DNAI1: variants seen among roughly 807,000 people sequenced by gnomAD.
The protein encoded by DNAI1 is dynein axonemal intermediate chain 1.
In DNAI1, 67 loss-of-function variants were observed where a neutral mutation model predicts 92.0. The observed-to-expected ratio is 0.73, with a 90% CI of 0.60 to 0.89. The LOEUF is 0.89. Ranked by LOEUF, DNAI1 falls within the 40% of genes least tolerant of loss-of-function variation. The probability of loss-of-function intolerance (pLI) is 0.00; values close to 1 mark genes in which losing one functional copy is unlikely to be tolerated. For synonymous variants in DNAI1, 323 were observed against 319.6 expected (o/e 1.01, Z -0.11); for missense variants, 839 against 866.6 (o/e 0.97, Z 0.40).
chr9:34,468,337 C>T (rs933680125), intron 1 of DNAI1, among the ~76,000 whole-genome samples: 6 of 149,832 alleles, frequency 4.0e-5, no homozygotes, highest in Admixed American at 1.4e-4. Flanking sequence ...CCCGCCACCA[C>T]GCCTGGCTAA....
At chr9:34,491,916 A>AAGAGTG (rs1260597403) in intron 8 of DNAI1, among the ~76,000 whole-genome samples, 2 of 151,920 alleles carry the variant, frequency 1.3e-5, no homozygotes, top group Non-Finnish European at 2.9e-5. Flanking sequence ...AAGTGTTAGC[A>AAGAGTG]CTCTGACCCT....
chr9:34,463,267 A>G (rs1823981972), intron 1 of DNAI1, among the ~76,000 whole-genome samples: 1 of 152,186 alleles, frequency 6.6e-6, no homozygotes, highest in Non-Finnish European at 1.5e-5. Context: ...TCAGCAAGGA[A>G]GGGAGTGGGG....
intron 9 of DNAI1, 142 bp from the exon 10 acceptor site, chr9:34,496,973 C>G (rs966584542): frequency 2.7e-6 from 2 of 739,332 alleles, no homozygotes; most frequent in Admixed American, 3.7e-5. Flanking sequence ...TTGAGACATG[C>G]AGAGAAACCT....
intron 1 of DNAI1, among the ~76,000 whole-genome samples, chr9:34,473,293 T>C (rs1249547381): frequency 1.3e-5 from 2 of 149,966 alleles, no homozygotes; most frequent in Admixed American, 1.3e-4. Context: ...TTATTATTAT[T>C]ATTATTATTA....
chr9:34,486,690 A>G (rs75056353), intron 4 of DNAI1, among the ~76,000 whole-genome samples: 7,559 of 152,258 alleles, frequency 0.05, 273 homozygotes, highest in Non-Finnish European at 0.065. Context: ...CTTTTAGTAC[A>G]TTTATGGGTT....
Position 34,490,481 on chromosome 9 carries a change from C to T in DNAI1, c.614C>T (p.Pro205Leu). 6.2e-7 allele frequency: 1 copy of T among 1,614,152 alleles called. No homozygotes were observed. The highest frequency in any genetic ancestry group is 8.5e-7 in the Non-Finnish European group (1 of 1,180,044). ...SERASQTYNN[P>L]VRDRECQTEP... The stretch of plus-strand genomic sequence containing the variant: ...AGGGCCTCACAGACCTACAACAACC[C>T]TGTCCGGGTAGAGCAGCCCCCACCC... The change falls in exon 7 of 20, where the codon CCT becomes CTT. Residue 205 changes from proline to leucine, a missense_variant. By Grantham distance (98) the Pro-to-Leu change is moderately conservative. Transcript: ENST00000242317.
chr9:34,466,671 A>G (rs2132040847), intron 1 of DNAI1, among the ~76,000 whole-genome samples: 1 of 152,382 alleles, frequency 6.6e-6, no homozygotes, highest in Non-Finnish European at 1.5e-5. Context: ...TATTATAAGT[A>G]CATAGATAAC....
intron 19 of DNAI1, 51 bp from the exon 20 acceptor site, chr9:34,520,607 G>A: frequency 6.6e-7 from 1 of 1,511,544 alleles, no homozygotes; most frequent in Non-Finnish European, 9.0e-7. Flanking sequence ...CTGGGACCCA[G>A]AGAGGGGGGG....
At chr9:34,503,585 T>C (rs2132074405) in intron 12 of DNAI1, among the ~76,000 whole-genome samples, 1 of 152,332 alleles carries the variant, frequency 6.6e-6, no homozygotes, top group South Asian at 2.1e-4. Context: ...AATAAAACTT[T>C]GGCAGGGGTA....
rs77942002 is a variant in DNAI1, at chr9:34,471,954, T to C, written c.49-11494T>C. On this transcript the variant is annotated intron_variant, in intron 1 of 19. Transcript: ENST00000242317. ...ATGTCTAGTAAACTGAAAGATGCTA[T>C]ATAAATGGAAGTATTTTTATTGTCA... Among the ~76,000 whole-genome samples, 886 of 152,290 alleles carry C rather than the reference T, an allele frequency of 5.8e-3. 11 individuals carry two copies. The highest frequency in any genetic ancestry group is 7.4e-3 in the Non-Finnish European group (505 of 68,034).
chr9:34,512,503 C>T, intron 15 of DNAI1, 79 bp downstream of exon 15: 1 of 1,381,816 alleles, frequency 7.2e-7, no homozygotes, highest in Non-Finnish European at 1.0e-6. Context: ...GTGGTCCTTC[C>T]CCTGACTGAG....
At chr9:34,519,498 A>G (rs1157201199) in intron 19 of DNAI1, among the ~76,000 whole-genome samples, 1 of 152,094 alleles carries the variant, frequency 6.6e-6, no homozygotes, top group Admixed American at 6.5e-5. Flanking sequence ...GAGAGAGGGA[A>G]GAGAGAGAAA....
intron 19 of DNAI1, among the ~76,000 whole-genome samples, chr9:34,517,991 A>G (rs1316678129): frequency 3.3e-5 from 5 of 152,194 alleles, no homozygotes; most frequent in Admixed American, 1.3e-4. Context: ...AGGGTCTCCA[A>G]TGATCAGGAG....
At chr9:34,480,945 AAAAT>A (rs751858175) in intron 1 of DNAI1, among the ~76,000 whole-genome samples, 3 of 151,242 alleles carry the variant, frequency 2.0e-5, no homozygotes, top group Non-Finnish European at 4.4e-5. Flanking sequence ...GACTATCTCA[AAAAT>A]AAATAAATAG....
chr9:34,467,135 A>G (rs575565064), intron 1 of DNAI1, among the ~76,000 whole-genome samples: 1 of 152,208 alleles, frequency 6.6e-6, no homozygotes, highest in Non-Finnish European at 1.5e-5. Flanking sequence ...TGTTTCTGGT[A>G]AATCTCTTTC....
intron 18 of DNAI1, among the ~76,000 whole-genome samples, chr9:34,516,443 T>C (rs1384068704): frequency 3.9e-5 from 6 of 151,992 alleles, no homozygotes; most frequent in Non-Finnish European, 7.4e-5. Context: ...GAGTTGGTAG[T>C]GGTTTGGTCT....
intron 9 of DNAI1, among the ~76,000 whole-genome samples, chr9:34,495,558 G>A (rs1824705015): frequency 6.6e-6 from 1 of 152,178 alleles, no homozygotes; most frequent in Admixed American, 6.5e-5. Context: ...ATCAATAAAT[G>A]GTAGCTATTG....
chr9:34,512,343 C>G lies in DNAI1; in HGVS notation c.1408C>G (p.Leu470Val). Residue 470 changes from leucine to valine, a missense_variant, in exon 15 of 20, where the codon CTG becomes GTG. By Grantham distance (32) the Leu-to-Val change is conservative. Transcript: ENST00000242317. ...CCTCTGTCTGTGGCTACAGAGAAAGCTGGTTCACATAGATGTCATCAAGCT... is the reference window on the plus strand; with the variant it reads ...CCTCTGTCTGTGGCTACAGAGAAAGGTGGTTCACATAGATGTCATCAAGCT... ...IVSWTLVKRK[L>V]VHIDVIKLKV... 1 of 1,614,128 alleles carries G rather than the reference C, an allele frequency of 6.2e-7. No homozygotes were observed. The highest frequency in any genetic ancestry group is 8.5e-7 in the Non-Finnish European group (1 of 1,180,030).
rs1587070912 is a variant in DNAI1 at position 34,490,100 on chromosome 9, T to G, written c.477T>G (p.Ser159Arg). The G allele has an allele frequency of 3.1e-6, 5 of 1,613,134 alleles. No homozygotes were observed. The highest frequency in any genetic ancestry group is 4.2e-6 in the Non-Finnish European group (5 of 1,179,832). Residue 159 changes from serine to arginine, a missense_variant, in exon 6 of 20, where the codon AGT (serine) becomes AGG (arginine). Coordinates refer to ENST00000242317, the MANE Select transcript of DNAI1 (RefSeq NM_012144.4). ...AGGAGTTAGAAACTGAGCCTGGGAGTCAAACAGATGTGCCTGCAGCTGGGG... is the reference window on the plus strand; with the variant it reads ...AGGAGTTAGAAACTGAGCCTGGGAGGCAAACAGATGTGCCTGCAGCTGGGG... ...EPKELETEPG[S>R]QTDVPAAGAA...
Sources: gnomAD v4.1 joint callset for allele counts (sites outside exome capture counted in the v4.1 genomes callset) on GRCh38, gnomAD v4.1.1 for gene constraint, MANE v1.5 for transcripts, NCBI Gene and HGNC (gene_info 2026-07-23, HGNC 2026-07-21) for gene names.